PHF8: variants seen among roughly 807,000 people sequenced by gnomAD.
PHF8 encodes the protein histone lysine demethylase PHF8.
PHF8 carries 9 observed loss-of-function variants against 74.4 expected under a neutral mutation model. The ratio of observed to expected loss-of-function variants is 0.12; its 90% CI spans 0.07 to 0.21. PHF8 has a LOEUF of 0.21. Among genes scored for constraint, PHF8 ranks in the 10% least tolerant of loss-of-function variants. The pLI, the probability that PHF8 is intolerant of heterozygous loss-of-function variation, is 1.00. For synonymous variants in PHF8, 311 were observed against 316.6 expected (o/e 0.98, Z 0.19); for missense variants, 478 against 816.6 (o/e 0.59, Z 5.05).
rs1557099098 is a variant in PHF8, at chrX:53,985,034, G to T, written c.2323C>A (p.Pro775Thr). ...VSNSPASQRT[P>T]GKRPIKRPAY... ...GGCCGCTTGATGGGCCGCTTCCCTG[G>T]GGTGCGCTGGGAAGCAGGACTGTTA... The change falls in exon 18 of 22, where the codon CCA becomes ACA. Residue 775 changes from proline (P) to threonine (T), a missense_variant. By Grantham distance (38) the Pro-to-Thr change is conservative (BLOSUM62 -1). Around this residue, in one of 9 missense-constraint regions of PHF8, gnomAD observed 51 missense variants for 45.8 expected, o/e 1.11. Transcript: ENST00000338154. The T allele has an allele frequency of 8.3e-7, 1 of 1,209,593 alleles. No individual in the cohort carries two copies. The highest frequency in any genetic ancestry group is 3.0e-5 in the East Asian group (1 of 33,826).
At chrX:54,005,408 C>T (rs1392208869) in intron 8 of PHF8, among the ~76,000 whole-genome samples, 6 of 103,895 alleles carry the variant, frequency 5.8e-5, no homozygotes, top group Non-Finnish European at 1.2e-4. Context: ...TACACTCCAG[C>T]CTGAGCAACA....
intron 2 of PHF8, among the ~76,000 whole-genome samples, chrX:54,040,517 T>C (rs782011226): frequency 1.8e-5 from 2 of 111,693 alleles, no homozygotes; most frequent in African/African-American, 3.3e-5. Flanking sequence ...GCACACAAAG[T>C]GCAATGGGAA....
At chrX:54,041,647 C>T (rs1335181800) in intron 2 of PHF8, among the ~76,000 whole-genome samples, 1 of 112,003 alleles carries the variant, frequency 8.9e-6, no homozygotes, top group Admixed American at 9.5e-5. Flanking sequence ...TGTGCACACA[C>T]GGTTAACTGA....
At chrX:53,986,131 A>G (rs1335628315) in intron 16 of PHF8, among the ~76,000 whole-genome samples, 182 bp from the exon 17 acceptor site, 6 of 112,764 alleles carry the variant, frequency 5.3e-5, no homozygotes, top group African/African-American at 1.9e-4. Context: ...GCTAGGTAGT[A>G]TACTCCCATT....
chrX:54,012,183 C>T (rs909031560), intron 7 of PHF8, among the ~76,000 whole-genome samples: 13 of 110,863 alleles, frequency 1.2e-4, no homozygotes, highest in Non-Finnish European at 1.7e-4. Flanking sequence ...TATGTCTTTA[C>T]GCACAAATGT....
At chrX:54,036,948 C>A (rs192843733) in intron 2 of PHF8, among the ~76,000 whole-genome samples, 1 of 102,596 alleles carries the variant, frequency 9.7e-6, no homozygotes, top group South Asian at 4.5e-4. Context: ...TGCAGCGAGC[C>A]GAGATCGCGC....
intron 18 of PHF8, among the ~76,000 whole-genome samples, chrX:53,977,894 C>G (rs2065408015): frequency 9.3e-6 from 1 of 107,972 alleles, no homozygotes; most frequent in Non-Finnish European, 1.9e-5. Context: ...GATCCACCCA[C>G]CTCGGCCTCC....
At chrX:53,965,135 C>CA (rs1291656474) in intron 18 of PHF8, among the ~76,000 whole-genome samples, 14 of 107,726 alleles carry the variant, frequency 1.3e-4, no homozygotes, top group East Asian at 1.2e-3. Flanking sequence ...TGTTTTTTAC[C>CA]AAAAAAAAAG....
chrX:53,971,475 A>C (rs2149808800), intron 18 of PHF8, among the ~76,000 whole-genome samples: 1 of 111,761 alleles, frequency 8.9e-6, no homozygotes, highest in Admixed American at 9.6e-5. Context: ...AACCAAGATC[A>C]GAGCTGAACG....
chrX:54,015,575 CAAAA>C (rs202093690), intron 6 of PHF8, among the ~76,000 whole-genome samples: 1 of 33,050 alleles, frequency 3.0e-5, no homozygotes, highest in African/African-American at 1.2e-4. Context: ...AACTCCGTCT[CAAAA>C]AAAAAAAAAA....
intron 20 of PHF8, chrX:53,942,500 C>G (rs782453232): frequency 8.5e-6 from 1 of 117,540 alleles, no homozygotes; most frequent in East Asian, 2.8e-4. Flanking sequence ...ACAGAAAGAT[C>G]TGTTTCTTTC....
At chrX:54,036,601 C>CTT (rs1214778792) in intron 2 of PHF8, among the ~76,000 whole-genome samples, 2 of 52,551 alleles carry the variant, frequency 3.8e-5, no homozygotes, top group Admixed American at 2.1e-4. Context: ...AAAAAAAAAA[C>CTT]TTTTTTTTTT....
intron 8 of PHF8, among the ~76,000 whole-genome samples, chrX:54,006,854 C>T (rs2065904613): frequency 9.3e-6 from 1 of 107,116 alleles, no homozygotes; most frequent in African/African-American, 3.4e-5. Context: ...AGGAGAATCG[C>T]TTGAACCCAG....
chrX:53,944,701 G>C (rs918351174), intron 19 of PHF8: 7 of 124,142 alleles, frequency 5.6e-5, no homozygotes, highest in Non-Finnish European at 9.9e-5. Flanking sequence ...CTGGGCAACA[G>C]AGTGAGACCC....
Position 53,993,736 on chromosome X carries a change from G to A in PHF8, c.1491C>T (p.Pro497=). ...KNGSKKKGLK[P]KELFKKAERK... is the part of the protein sequence containing the mutation. ...GCTCTGCCTTCTTGAAGAGTTCCTT[G>A]GGCTTCAGGCCTTTCTTCTTTGAAC... The change falls in exon 13 of 22, where the codon CCC becomes CCT. Residue 497 remains proline, a synonymous_variant. Coordinates refer to ENST00000338154, the MANE Select transcript of PHF8 (RefSeq NM_015107.3). 1.7e-6 allele frequency: 2 copies of A among 1,211,479 alleles called. No homozygotes were observed. The highest frequency in any genetic ancestry group is 2.2e-6 in the Non-Finnish European group (2 of 894,956).
upstream of PHF8, chrX:54,045,207 C>T (rs2066623714): frequency 4.1e-6 from 1 of 245,229 alleles, no homozygotes; most frequent in East Asian, 6.7e-5. Context: ...AATTTTCTGA[C>T]TATAGCCTGA....
chrX:53,953,425 G>A (rs2064960997), intron 19 of PHF8, among the ~76,000 whole-genome samples: 2 of 110,321 alleles, frequency 1.8e-5, no homozygotes, highest in Non-Finnish European at 3.8e-5. Flanking sequence ...TGGATCACCT[G>A]AGGACAGGAG....
chrX:53,967,447 A>C (rs1232527709), intron 18 of PHF8, among the ~76,000 whole-genome samples: 2 of 101,315 alleles, frequency 2.0e-5, no homozygotes, highest in African/African-American at 7.3e-5. Flanking sequence ...CTGGGAAGTG[A>C]GGAGCCCCTC....
chrX:53,982,182 G>A (rs1264082211), intron 18 of PHF8, among the ~76,000 whole-genome samples: 2 of 111,951 alleles, frequency 1.8e-5, no homozygotes, highest in Non-Finnish European at 3.8e-5. Context: ...AGTAGAGTGG[G>A]TGGCCAGGGG....
Sources: gnomAD v4.1 joint callset for allele counts (sites outside exome capture counted in the v4.1 genomes callset) on GRCh38, gnomAD v4.1.1 for gene constraint, gnomAD v4.1.1 regional missense constraint, MANE v1.5 for transcripts, NCBI Gene and HGNC (gene_info 2026-07-23, HGNC 2026-07-21) for gene names.